EGFLAM: variants seen among roughly 807,000 people sequenced by gnomAD.
The protein encoded by EGFLAM is pikachurin.
A neutral mutation model predicts 113.1 loss-of-function variants in EGFLAM; 79 were observed. The ratio of observed to expected loss-of-function variants is 0.70; its 90% CI spans 0.58 to 0.84. The LOEUF is 0.84. Among genes scored for constraint, EGFLAM ranks in the 40% least tolerant of loss-of-function variants. The probability of loss-of-function intolerance (pLI) is 0.00; values close to 1 mark genes in which losing one functional copy is unlikely to be tolerated. For synonymous variants in EGFLAM, 504 were observed against 487.6 expected (o/e 1.03, Z -0.44); for missense variants, 1,265 against 1,291.6 (o/e 0.98, Z 0.32).
intron 14 of EGFLAM, among the ~76,000 whole-genome samples, chr5:38,430,468 G>A (rs774118623): frequency 6.6e-6 from 1 of 152,284 alleles, no homozygotes; most frequent in South Asian, 2.1e-4. Context: ...AGGTAATCCT[G>A]CTGTTGTTAC....
intron 8 of EGFLAM, 121 bp downstream of exon 8, chr5:38,407,267 C>T: frequency 9.3e-7 from 1 of 1,078,538 alleles, no homozygotes; most frequent in Non-Finnish European, 1.3e-6. Context: ...TACCTTCGTC[C>T]ACATATTGGT....
intron 5 of EGFLAM, among the ~76,000 whole-genome samples, chr5:38,354,867 A>G (rs931944499): frequency 6.6e-6 from 1 of 152,230 alleles, no homozygotes; most frequent in African/African-American, 2.4e-5. Context: ...ATATCTATGT[A>G]AGGTAGAAAT....
intron 5 of EGFLAM, among the ~76,000 whole-genome samples, chr5:38,367,422 T>A (rs1263641492): frequency 6.6e-6 from 1 of 151,640 alleles, no homozygotes; most frequent in African/African-American, 2.4e-5. Context: ...ATTTTTTTTT[T>A]ATTAAACATA....
intron 1 of EGFLAM, among the ~76,000 whole-genome samples, chr5:38,287,406 CTG>C (rs1758193801): frequency 3.9e-5 from 6 of 152,194 alleles, no homozygotes. Context: ...AGGTCTCACT[CTG>C]TTGCCCAACC....
At chr5:38,372,711 T>C (rs73075426) in intron 6 of EGFLAM, among the ~76,000 whole-genome samples, 1,633 of 152,310 alleles carry the variant, frequency 0.011, 36 homozygotes, top group African/African-American at 0.038. Context: ...GAAACATTCT[T>C]AAATAGACAT....
intron 6 of EGFLAM, among the ~76,000 whole-genome samples, chr5:38,394,750 G>C (rs190963475): frequency 1.6e-5 from 2 of 127,384 alleles, no homozygotes; most frequent in East Asian, 4.4e-4. Flanking sequence ...TGCTTGTTTA[G>C]ATTTATTTAC....
intron 1 of EGFLAM, among the ~76,000 whole-genome samples, chr5:38,326,506 T>A (rs1738886922): frequency 8.4e-6 from 1 of 119,404 alleles, no homozygotes; most frequent in East Asian, 2.0e-4. Context: ...TTGATAAGGG[T>A]TTTTTTTTTT....
chr5:38,315,537 C>T (rs560972325), intron 1 of EGFLAM, among the ~76,000 whole-genome samples: 1 of 152,244 alleles, frequency 6.6e-6, no homozygotes, highest in African/African-American at 2.4e-5. Flanking sequence ...TCTTATTGCT[C>T]CCAACTGAAC....
intron 17 of EGFLAM, among the ~76,000 whole-genome samples, chr5:38,443,351 A>G (rs1279559689): frequency 3.3e-5 from 5 of 152,216 alleles, no homozygotes; most frequent in Non-Finnish European, 5.9e-5. Context: ...TTTAGAAAAC[A>G]TTTAAACCAA....
At chr5:38,444,452 G>A (rs1464185805) in intron 17 of EGFLAM, among the ~76,000 whole-genome samples, 1 of 152,156 alleles carries the variant, frequency 6.6e-6, no homozygotes, top group Non-Finnish European at 1.5e-5. Context: ...TAACTGGCAG[G>A]AGGACATTTG....
intron 3 of EGFLAM, among the ~76,000 whole-genome samples, chr5:38,348,630 G>A (rs374206065): frequency 2.6e-5 from 4 of 152,202 alleles, no homozygotes; most frequent in African/African-American, 7.2e-5. Context: ...CCAGGTGGGC[G>A]TAAGTTCAGG....
At chr5:38,383,946 T>C (rs1452897776) in intron 6 of EGFLAM, among the ~76,000 whole-genome samples, 1 of 150,624 alleles carries the variant, frequency 6.6e-6, no homozygotes, top group Non-Finnish European at 1.5e-5. Flanking sequence ...GGAAGTGAGG[T>C]CAGAAAGTTT....
intron 13 of EGFLAM, among the ~76,000 whole-genome samples, chr5:38,426,725 G>A (rs1742021022): frequency 6.6e-6 from 1 of 152,142 alleles, no homozygotes; most frequent in Non-Finnish European, 1.5e-5. Context: ...GGCTCTTCTA[G>A]GGCCTTAGAG....
At chr5:38,260,263 A>T (rs530259874) in intron 1 of EGFLAM, among the ~76,000 whole-genome samples, 10 of 152,376 alleles carry the variant, frequency 6.6e-5, no homozygotes, top group Non-Finnish European at 1.5e-4. Flanking sequence ...TTGCAGATTT[A>T]TTCACATGAA....
chr5:38,423,068 T>A (rs1292989807), intron 12 of EGFLAM, among the ~76,000 whole-genome samples: 1 of 152,140 alleles, frequency 6.6e-6, no homozygotes, highest in Non-Finnish European at 1.5e-5. Flanking sequence ...TAGACTTAAA[T>A]CCAACCAAAG....
intron 18 of EGFLAM, among the ~76,000 whole-genome samples, chr5:38,449,496 G>T (rs1437564374): frequency 6.6e-6 from 1 of 152,144 alleles, no homozygotes; most frequent in Non-Finnish European, 1.5e-5. Context: ...AGGTCATTCA[G>T]TCCCTAGAAA....
chr5:38,373,746 A>G (rs1320334191), intron 6 of EGFLAM, among the ~76,000 whole-genome samples: 1 of 151,956 alleles, frequency 6.6e-6, no homozygotes, highest in East Asian at 1.9e-4. Flanking sequence ...TCTTTTTCAT[A>G]TAATGATTTC....
At chr5:38,269,776 A>G (rs1254753951) in intron 1 of EGFLAM, among the ~76,000 whole-genome samples, 1 of 152,166 alleles carries the variant, frequency 6.6e-6, no homozygotes, top group Non-Finnish European at 1.5e-5. Flanking sequence ...GGCCTGAGCC[A>G]CTGCGCCTGG....
At chr5:38,425,220 C>A in intron 13 of EGFLAM, 128 bp downstream of exon 13, 1 of 1,406,542 alleles carries the variant, frequency 7.1e-7, no homozygotes, top group Non-Finnish European at 9.4e-7. Context: ...CCTCTCTTAC[C>A]CAGGCCGGAG....
Sources: allele counts gnomAD v4.1 joint callset (sites outside exome capture counted in the v4.1 genomes callset), GRCh38; gene constraint gnomAD v4.1.1; transcripts MANE v1.5; gene names NCBI Gene and HGNC (gene_info 2026-07-23, HGNC 2026-07-21).